Variants in PHACTR4 observed in about 807,000 individuals in gnomAD.
PHACTR4 encodes the protein phosphatase and actin regulator 4, also known as protein phosphatase 1, regulatory subunit 124.
Under a neutral mutation model 72.7 loss-of-function variants are expected in PHACTR4, and 51 were observed. The observed-to-expected ratio is 0.70, with a 90% CI of 0.56 to 0.89. PHACTR4 has a LOEUF of 0.89. Among genes scored for constraint, PHACTR4 ranks in the 40% least tolerant of loss-of-function variants. PHACTR4 has a pLI of 0.00. For missense variants in PHACTR4, 731 were observed against 861.8 expected (o/e 0.85, Z 1.90); for synonymous variants, 255 against 302.5 (o/e 0.84, Z 1.63).
At chr1:28,490,302 C>T (rs1381439767) in intron 10 of PHACTR4, among the ~76,000 whole-genome samples, 2 of 151,996 alleles carry the variant, frequency 1.3e-5, no homozygotes, top group East Asian at 1.9e-4. Flanking sequence ...TGGGCCGAGG[C>T]GAGTGGATCA....
At chr1:28,493,814 C>G (rs751568323) in intron 13 of PHACTR4, among the ~76,000 whole-genome samples, 1 of 152,164 alleles carries the variant, frequency 6.6e-6, no homozygotes, top group Non-Finnish European at 1.5e-5. Flanking sequence ...CTAAGTTAGA[C>G]AAGATCTTGC....
chr1:28,442,909 A>G (rs1657145759), intron 2 of PHACTR4, among the ~76,000 whole-genome samples: 1 of 152,134 alleles, frequency 6.6e-6, no homozygotes, highest in Non-Finnish European at 1.5e-5. Context: ...CATATTCATC[A>G]TCTCCAACAT....
Position 28,457,917 on chromosome 1 carries a change from G to GT in PHACTR4, c.17-1168_17-1167insT. 27 of 951,308 alleles carry GT rather than the reference G, an allele frequency of 2.8e-5. No homozygotes were observed. In the South Asian group the frequency reaches 1.1e-3, roughly 40 times the overall value. 58.9% of individuals were successfully genotyped at this position (951,308 alleles called of 1,614,324 possible). On this transcript the variant is annotated intron_variant, in intron 2 of 13. Coordinates refer to ENST00000373839, the MANE Select transcript of PHACTR4 (RefSeq NM_001048183.3). Reference sequence around the variant, plus strand: ...GCTTTTTTTTGGTTGCCTTCCTGCTGGTTTTTTTTTTTTTCCTTTCTTTAA... The same window carrying GT: ...GCTTTTTTTTGGTTGCCTTCCTGCTGTGTTTTTTTTTTTTTCCTTTCTTTAA...
At chr1:28,469,690 G>C (rs981525900) in intron 6 of PHACTR4, among the ~76,000 whole-genome samples, 3 of 152,118 alleles carry the variant, frequency 2.0e-5, no homozygotes. Flanking sequence ...CTCTTTCACT[G>C]CTCCTAAAAT....
intron 2 of PHACTR4, among the ~76,000 whole-genome samples, chr1:28,429,376 C>T (rs1024725536): frequency 6.6e-6 from 1 of 152,090 alleles, no homozygotes; most frequent in African/African-American, 2.4e-5. Context: ...TTTTTCCCCA[C>T]AAAAGCAAGA....
rs182303971 is a variant in PHACTR4, at chr1:28,453,688, T to G, written c.17-5397T>G. On this transcript the variant is annotated intron_variant, in intron 2 of 13. Transcript: ENST00000373839. ...AGATTGAAAGATGGACCCGTCCTGG[T>G]TCCTCTTACTTCAATTTGAACCCAT... The G allele has an allele frequency of 4.8e-6, 6 of 1,250,806 alleles. No individual in the cohort carries two copies. In the Admixed American group the frequency reaches 8.9e-5, roughly 19 times the overall value. 77.5% of individuals were successfully genotyped at this position (1,250,806 alleles called of 1,614,324 possible).
At chr1:28,468,164 GT>G (rs1355339545) in intron 6 of PHACTR4, among the ~76,000 whole-genome samples, 2 of 152,166 alleles carry the variant, frequency 1.3e-5, no homozygotes, top group African/African-American at 2.4e-5. Context: ...GATGGATAGT[GT>G]CATGTTGACT....
At chr1:28,467,643 G>C (rs532233710) in intron 6 of PHACTR4, among the ~76,000 whole-genome samples, 12 of 152,202 alleles carry the variant, frequency 7.9e-5, no homozygotes, top group Non-Finnish European at 1.8e-4. Context: ...TTGGGATTCA[G>C]TGTCTGGCAT....
chr1:28,466,941 G>T, intron 6 of PHACTR4, 173 bp downstream of exon 6: 1 of 962,524 alleles, frequency 1.0e-6, no homozygotes, highest in Non-Finnish European at 1.5e-6. Context: ...TAGGCCAGGT[G>T]CGGTGGCTCA....
intron 2 of PHACTR4, among the ~76,000 whole-genome samples, chr1:28,415,380 C>G (rs1172692548): frequency 6.6e-6 from 1 of 152,106 alleles, no homozygotes; most frequent in Non-Finnish European, 1.5e-5. Context: ...CCATGATGCT[C>G]CACACCCCAC....
At chr1:28,467,608 A>G (rs1483249914) in intron 6 of PHACTR4, among the ~76,000 whole-genome samples, 1 of 152,206 alleles carries the variant, frequency 6.6e-6, no homozygotes, top group African/African-American at 2.4e-5. Context: ...AGATAAAAGG[A>G]TGATTCTGTA....
chr1:28,422,140 C>T (rs565337463), intron 2 of PHACTR4, among the ~76,000 whole-genome samples: 1 of 152,214 alleles, frequency 6.6e-6, no homozygotes, highest in South Asian at 2.1e-4. Flanking sequence ...ATTGGAATTT[C>T]CTGCCATGTT....
rs186060822 is a variant in PHACTR4 at position 28,399,363 on chromosome 1, T to G, written c.-38-8047T>G. Reference sequence around the variant, plus strand: ...TTGTGTTGATGAAATTTCTGCTGTGTATAAATATTTTTTGAGTTTAGTATG... The same window carrying G: ...TTGTGTTGATGAAATTTCTGCTGTGGATAAATATTTTTTGAGTTTAGTATG... On this transcript the variant is annotated intron_variant, in intron 1 of 13. Transcript: ENST00000373839. 5.7e-3 allele frequency among the ~76,000 whole-genome samples: 872 copies of G among 152,318 alleles called. 9 individuals are homozygous for G. The highest frequency in any genetic ancestry group is 0.02 in the African/African-American group (832 of 41,576).
intron 1 of PHACTR4, among the ~76,000 whole-genome samples, chr1:28,394,921 T>C (rs1388845982): frequency 6.6e-6 from 1 of 150,426 alleles, no homozygotes; most frequent in Non-Finnish European, 1.5e-5. Flanking sequence ...TTCTTTTTTT[T>C]TTTTTTTCTG....
chr1:28,466,839 T>A, intron 6 of PHACTR4, 71 bp downstream of exon 6: 1 of 1,510,484 alleles, frequency 6.6e-7, no homozygotes. Context: ...ATTTGATAAC[T>A]GGTACAACAT....
chr1:28,496,179 C>G (rs1263539729), intron 13 of PHACTR4, among the ~76,000 whole-genome samples: 2 of 151,094 alleles, frequency 1.3e-5, no homozygotes, highest in Non-Finnish European at 2.9e-5. Context: ...GCCTCAGCCT[C>G]GCGAGTAGCT....
intron 2 of PHACTR4, among the ~76,000 whole-genome samples, chr1:28,449,806 C>T (rs1374531334): frequency 6.6e-6 from 1 of 151,220 alleles, no homozygotes; most frequent in South Asian, 2.1e-4. Flanking sequence ...GAGCTGAGAT[C>T]GTGCCATTGC....
intron 1 of PHACTR4, among the ~76,000 whole-genome samples, chr1:28,372,938 C>T (rs1651354521): frequency 6.7e-6 from 1 of 150,170 alleles, no homozygotes; most frequent in Non-Finnish European, 1.5e-5. Context: ...TGACAATTTT[C>T]TCAATATTAT....
chr1:28,458,735 C>G (rs1008686913), intron 2 of PHACTR4, among the ~76,000 whole-genome samples: 2 of 152,092 alleles, frequency 1.3e-5, no homozygotes, highest in African/African-American at 4.8e-5. Flanking sequence ...ACTAATGAGG[C>G]AGGAATTCCC....
Sources: allele counts gnomAD v4.1 joint callset (sites outside exome capture counted in the v4.1 genomes callset), GRCh38; gene constraint gnomAD v4.1.1; transcripts MANE v1.5; gene names NCBI Gene and HGNC (gene_info 2026-07-23, HGNC 2026-07-21).